The following RBFOX1 variants were observed in gnomAD, a reference collection of about 807,000 sequenced individuals.
RBFOX1 encodes RNA binding protein fox-1 homolog 1.
Under a neutral mutation model 57.7 loss-of-function variants are expected in RBFOX1, and 8 were observed. The observed-to-expected ratio is 0.14, with a 90% CI of 0.08 to 0.25. The LOEUF (loss-of-function observed/expected upper bound fraction) is 0.25, where lower values mean the gene tolerates loss of function less well. Ranked by LOEUF, RBFOX1 falls within the 10% of genes least tolerant of loss-of-function variation. RBFOX1 has a pLI of 1.00. For missense variants in RBFOX1, 611 were observed against 548.5 expected, an observed-to-expected ratio of 1.11 and a Z score of -1.14; for synonymous variants, 326 against 222.4, an observed-to-expected ratio of 1.47 and a Z score of -4.15.
At chr16:6,930,398 A>T (rs2076309716) in intron 3 of RBFOX1, among the ~76,000 whole-genome samples, 1 of 152,086 alleles carries the variant, frequency 6.6e-6, no homozygotes, top group South Asian at 2.1e-4. Context: ...ACCCATCAGG[A>T]TGGCTATTTT....
At chr16:6,622,427 C>G (rs2098246380) in intron 2 of RBFOX1, among the ~76,000 whole-genome samples, 1 of 152,126 alleles carries the variant, frequency 6.6e-6, no homozygotes. Flanking sequence ...AGTACAGTAA[C>G]AAGCTGTACA....
At chr16:6,797,914 T>G (rs1416008150) in intron 3 of RBFOX1, among the ~76,000 whole-genome samples, 1 of 152,180 alleles carries the variant, frequency 6.6e-6, no homozygotes, top group African/African-American at 2.4e-5. Context: ...TTAAACTTTC[T>G]GTGTCAGTAT....
intron 2 of RBFOX1, among the ~76,000 whole-genome samples, chr16:6,466,745 G>T (rs749830265): frequency 6.6e-6 from 1 of 152,162 alleles, no homozygotes; most frequent in East Asian, 1.9e-4. Flanking sequence ...CTCTTAGTTC[G>T]AATAATAGCA....
At position 7,140,396 on chromosome 16, in the gene RBFOX1, C is replaced by T. The variant is rs371685662; in HGVS notation, c.27+88298C>T. Among the ~76,000 whole-genome samples the T allele has an allele frequency of 7.3e-5, 11 of 150,798 alleles. No homozygotes were observed. The East Asian group carries it at 2.0e-3, about 27-fold the overall frequency. On this transcript the variant is annotated intron_variant, in intron 4 of 15. Transcript: ENST00000550418. ...ATTTTCTTCATTTTCTGTGCCACTTCGCTCAGTTTGCACTTATGTTTTCAT... is the reference window on the plus strand; with the variant it reads ...ATTTTCTTCATTTTCTGTGCCACTTTGCTCAGTTTGCACTTATGTTTTCAT...
intron 3 of RBFOX1, among the ~76,000 whole-genome samples, chr16:6,713,696 G>A (rs1426646163): frequency 6.6e-6 from 1 of 152,140 alleles, no homozygotes; most frequent in Admixed American, 6.6e-5. Context: ...CTTGTTTTTA[G>A]ACATTTGCAG....
At position 7,664,512 on chromosome 16, in the gene RBFOX1, C is replaced by T. The variant is rs371232230; in HGVS notation, c.891-417C>T. Among the ~76,000 whole-genome samples, 5 of 152,274 alleles carry T rather than the reference C, an allele frequency of 3.3e-5. No homozygotes were observed. In the South Asian group the frequency reaches 1.0e-3, roughly 32 times the overall value. On this transcript the variant is annotated intron_variant, in intron 12 of 15. Coordinates refer to ENST00000550418, the MANE Select transcript of RBFOX1 (RefSeq NM_018723.4). ...AATCTGTGTGTCGACCTTTACAATC[C>T]GATTTTTAAATAGATGTTTTGGGTT... is the stretch of plus-strand genomic sequence containing the variant.
intron 2 of RBFOX1, among the ~76,000 whole-genome samples, chr16:6,552,916 T>A (rs1259748812): frequency 6.6e-6 from 1 of 152,166 alleles, no homozygotes; most frequent in African/African-American, 2.4e-5. Flanking sequence ...TTAGATTACA[T>A]AGATTTCTGG....
chr16:7,454,606 A>C (rs538646001), intron 4 of RBFOX1, among the ~76,000 whole-genome samples: 1 of 152,236 alleles, frequency 6.6e-6, no homozygotes, highest in Non-Finnish European at 1.5e-5. Context: ...AACTACACAA[A>C]GATGTGTGGT....
At chr16:7,034,578 C>T (rs1365594485) in intron 3 of RBFOX1, among the ~76,000 whole-genome samples, 1 of 151,996 alleles carries the variant, frequency 6.6e-6, no homozygotes, top group African/African-American at 2.4e-5. Flanking sequence ...ATTTTAACTT[C>T]TGTGAAATAT....
chr16:6,403,524 T>A (rs2093161123), intron 2 of RBFOX1, among the ~76,000 whole-genome samples: 1 of 151,956 alleles, frequency 6.6e-6, no homozygotes, highest in African/African-American at 2.4e-5. Context: ...CCACTACAGT[T>A]GCCTAATTTT....
chr16:6,296,709 C>G (rs908796792), intron 1 of RBFOX1, among the ~76,000 whole-genome samples: 1 of 152,134 alleles, frequency 6.6e-6, no homozygotes, highest in African/African-American at 2.4e-5. Context: ...CGTGAGCCAC[C>G]GTACCCAGCC....
rs79234229 is a variant in RBFOX1 at position 5,848,495 on chromosome 16, G to A, written c.319-18808G>A. Among the ~76,000 whole-genome samples, 1,294 of 152,168 alleles carry A rather than the reference G, an allele frequency of 8.5e-3. 13 individuals carry two copies. The highest frequency in any genetic ancestry group is 0.029 in the African/African-American group (1,210 of 41,484). ...ACTGCTAAAACTCCATGGACTCCAG[G>A]TTAAGAGACTGGCCTAGTTTGGAAC... is the stretch of plus-strand genomic sequence containing the variant. On this transcript the variant is annotated intron_variant, in intron 3 of 19. Transcript: ENST00000641259.
chr16:6,938,034 A>T (rs1032454125), intron 3 of RBFOX1, among the ~76,000 whole-genome samples: 3 of 151,724 alleles, frequency 2.0e-5, no homozygotes, highest in African/African-American at 7.3e-5. Context: ...AGTCTGTAGA[A>T]ATGGGAGCTA....
chr16:5,270,567 G>A, intron 1 of RBFOX1: 3 of 590,648 alleles, frequency 5.1e-6, no homozygotes, highest in Non-Finnish European at 9.4e-6. Context: ...ACTACCGATG[G>A]TTACTTCTTT....
chr16:6,927,414 CAAAAAA>C (rs1194663760), intron 3 of RBFOX1, among the ~76,000 whole-genome samples: 5 of 53,154 alleles, frequency 9.4e-5, no homozygotes, highest in South Asian at 1.1e-3. Flanking sequence ...CGCTTTCTCA[CAAAAAA>C]AAAAAAAAAA....
chr16:5,953,621 T>G (rs1238141263), intron 4 of RBFOX1, among the ~76,000 whole-genome samples: 1 of 151,988 alleles, frequency 6.6e-6, no homozygotes, highest in Non-Finnish European at 1.5e-5. Flanking sequence ...GTTAGTTCAC[T>G]TAGAATAATA....
chr16:5,571,417 G>C (rs1233610619), intron 2 of RBFOX1, among the ~76,000 whole-genome samples: 3 of 151,808 alleles, frequency 2.0e-5, no homozygotes, highest in African/African-American at 7.2e-5. Flanking sequence ...GTTTCACCCT[G>C]TTGGCCACGC....
At chr16:6,255,582 T>C (rs1030761524) in intron 1 of RBFOX1, among the ~76,000 whole-genome samples, 8 of 152,104 alleles carry the variant, frequency 5.3e-5, no homozygotes, top group African/African-American at 1.7e-4. Context: ...CTGTTCAGTG[T>C]CCTATAAGGT....
At chr16:5,372,477 A>G (rs928176967) in intron 1 of RBFOX1, among the ~76,000 whole-genome samples, 4 of 152,222 alleles carry the variant, frequency 2.6e-5, no homozygotes, top group Non-Finnish European at 5.9e-5. Context: ...TAAGAAGAAG[A>G]TGAAGAAAAG....
Sources: allele counts gnomAD v4.1 joint callset (sites outside exome capture counted in the v4.1 genomes callset), GRCh38; gene constraint gnomAD v4.1.1; transcripts MANE v1.5; gene names NCBI Gene and HGNC (gene_info 2026-07-23, HGNC 2026-07-21).